HIP1: variants seen among roughly 807,000 people sequenced by gnomAD.
HIP1 encodes the protein huntingtin-interacting protein 1.
HIP1 carries 65 observed loss-of-function variants against 147.6 expected under a neutral mutation model. The ratio of observed to expected loss-of-function variants is 0.44; its 90% CI spans 0.36 to 0.54. HIP1 has a LOEUF of 0.54. Among genes scored for constraint, HIP1 ranks in the 20% least tolerant of loss-of-function variants. HIP1 has a pLI of 0.00. For synonymous variants in HIP1, 479 were observed against 504.0 expected, an observed-to-expected ratio of 0.95 and a Z score of 0.67; for missense variants, 1,061 against 1,299.6, an observed-to-expected ratio of 0.82 and a Z score of 2.82.
At position 75,541,955 on chromosome 7, in the gene HIP1, C is replaced by A. The variant is rs375211454; in HGVS notation, c.2916G>T (p.Thr972=). 1 of 1,613,932 alleles carries A rather than the reference C, an allele frequency of 6.2e-7. No homozygotes were observed. The stretch of plus-strand genomic sequence containing the variant: ...TCTCTTGGCGTTTGATCTGTGTCAG[C>A]GTCATGCTTGAGAAGTCCATGTTGT... ...ETDNMDFSSM[T]LTQIKRQEMD... Residue 972 remains threonine (T), a synonymous_variant, in exon 29 of 31, where the codon ACG becomes ACT. Coordinates refer to ENST00000336926, the MANE Select transcript of HIP1 (RefSeq NM_005338.7).
chr7:75,589,385 A>G (rs1388430930), intron 4 of HIP1, among the ~76,000 whole-genome samples: 1 of 151,834 alleles, frequency 6.6e-6, no homozygotes, highest in Non-Finnish European at 1.5e-5. Context: ...ACACAGGTCT[A>G]GCCAAAATCT....
intron 1 of HIP1, among the ~76,000 whole-genome samples, chr7:75,599,461 A>G (rs1170529407): frequency 2.0e-5 from 3 of 152,130 alleles, no homozygotes; most frequent in African/African-American, 7.2e-5. Flanking sequence ...GGGAGTGGGC[A>G]CCACTGCCTG....
intron 1 of HIP1, among the ~76,000 whole-genome samples, chr7:75,679,509 T>G (rs1554516537): frequency 1.3e-5 from 2 of 152,212 alleles, no homozygotes; most frequent in African/African-American, 4.8e-5. Context: ...CAGCCAACAA[T>G]GAATCTCTAT....
At chr7:75,542,020 C>G (rs1475243574) in intron 28 of HIP1, 40 bp from the exon 29 acceptor site, 1 of 1,566,754 alleles carries the variant, frequency 6.4e-7, no homozygotes, top group Non-Finnish European at 8.8e-7. Flanking sequence ...CAAATTCTAC[C>G]CTGGCTGACT....
In HIP1 at chr7:75,542,834, C is replaced by A; in HGVS notation, c.2890+17G>T. The A allele has an allele frequency of 6.2e-7, 1 of 1,613,264 alleles. No individual in the cohort carries two copies. Among genetic ancestry groups the A allele is most frequent in the Non-Finnish European group, 8.5e-7 (1 of 1,179,606 alleles). On this transcript the variant is annotated intron_variant, in intron 28 of 30. Transcript: ENST00000336926. ...TCAACAGGGTGGGTAAGAAAAGGGT[C>A]CCTTTGGAAAGGCTACCTGTCTCTT...
chr7:75,603,335 G>A (rs1341935189), intron 1 of HIP1, among the ~76,000 whole-genome samples: 8 of 107,692 alleles, frequency 7.4e-5, no homozygotes, highest in South Asian at 3.1e-4. Flanking sequence ...GTGACAGAGC[G>A]AGACTCTCAA....
rs781790408 is a variant in HIP1 at position 75,542,980 on chromosome 7, A to G, written c.2767-6T>C. ...CTGTCCTTATCAGCTTTCACCTACC[A>G]GGACAAAGCAGATTTAGGTTCATAC... On this transcript the variant is annotated splice_polypyrimidine_tract_variant and splice_region_variant and intron_variant, in intron 27 of 30. Coordinates refer to ENST00000336926, the MANE Select transcript of HIP1 (RefSeq NM_005338.7). 35 of 1,610,820 alleles carry G rather than the reference A, an allele frequency of 2.2e-5. No individual in the cohort carries two copies. The Admixed American group carries it at 5.0e-4, about 23-fold the overall frequency.
chr7:75,715,826 A>G (rs1187528388), intron 1 of HIP1, among the ~76,000 whole-genome samples: 1 of 146,978 alleles, frequency 6.8e-6, no homozygotes, highest in Non-Finnish European at 1.5e-5. Context: ...ACAGTTCTGC[A>G]GGTTATACAA....
At chr7:75,544,639 C>G (rs901318151) in intron 27 of HIP1, 56 bp downstream of exon 27, 1 of 1,042,024 alleles carries the variant, frequency 9.6e-7, no homozygotes, top group Non-Finnish European at 1.5e-6. Context: ...TTTAACCTAG[C>G]CTAGTACTCT....
chr7:75,703,248 T>C (rs563237754), intron 1 of HIP1, among the ~76,000 whole-genome samples: 224 of 152,076 alleles, frequency 1.5e-3, no homozygotes, highest in South Asian at 0.011. Flanking sequence ...CTTGGGAGGC[T>C]GAGGTGGGAG....
intron 1 of HIP1, among the ~76,000 whole-genome samples, chr7:75,653,424 G>A (rs1276125575): frequency 4.6e-5 from 7 of 150,936 alleles, no homozygotes; most frequent in South Asian, 2.1e-4. Context: ...AGGCTGAGGC[G>A]GGAGGATTGC....
chr7:75,608,906 G>A lies in HIP1; in HGVS notation c.121-9659C>T, dbSNP rs587611000. On this transcript the variant is annotated intron_variant, in intron 1 of 30. Coordinates refer to ENST00000336926, the MANE Select transcript of HIP1 (RefSeq NM_005338.7). ...AAACTGTGATCTGATGGGTACTGGGGATCCACAGAAGGCTCTTGAGCAGGG... is the reference window on the plus strand; with the variant it reads ...AAACTGTGATCTGATGGGTACTGGGAATCCACAGAAGGCTCTTGAGCAGGG... 2.0e-5 allele frequency among the ~76,000 whole-genome samples: 3 copies of A among 152,308 alleles called. 1 individual carries two copies. In the South Asian group the frequency reaches 6.2e-4, roughly 32 times the overall value.
chr7:75,708,035 C>T (rs1043686598), intron 1 of HIP1, among the ~76,000 whole-genome samples: 65 of 146,808 alleles, frequency 4.4e-4, no homozygotes, highest in Non-Finnish European at 7.6e-4. Context: ...AGGACATAGG[C>T]GTGGGCAAGG....
At chr7:75,619,871 C>A (rs1391694305) in intron 1 of HIP1, among the ~76,000 whole-genome samples, 1 of 152,122 alleles carries the variant, frequency 6.6e-6, no homozygotes, top group African/African-American at 2.4e-5. Context: ...AGAACTGGCC[C>A]AGTATAGATG....
At position 75,582,144 on chromosome 7, in the gene HIP1, C is replaced by A; in HGVS notation, c.473G>T (p.Arg158Met). ...TKMEYHTKNPRFPGNLQMSDR... is the reference protein window; with the variant it reads ...TKMEYHTKNPMFPGNLQMSDR... ...ACTCATCTGCAGGTTGCCTGGGAAC[C>A]TGGGATTCTGGAAGGGAGGCAGAGG... is the stretch of plus-strand genomic sequence containing the variant. Residue 158 changes from arginine to methionine, a missense_variant, in exon 6 of 31, where the codon AGG becomes ATG. Arg to Met is a moderately conservative substitution (Grantham distance 91). Around this residue, in one of 3 missense-constraint regions of HIP1, gnomAD observed 225 missense variants for 292.9 expected, o/e 0.77. Transcript: ENST00000336926. 6.2e-7 allele frequency: 1 copy of A among 1,613,828 alleles called. No homozygotes were observed. The highest frequency in any genetic ancestry group is 1.1e-5 in the South Asian group (1 of 91,052).
At chr7:75,659,524 C>T (rs914082342) in intron 1 of HIP1, among the ~76,000 whole-genome samples, 5 of 152,130 alleles carry the variant, frequency 3.3e-5, no homozygotes, top group Non-Finnish European at 4.4e-5. Context: ...TGGCGCACGC[C>T]TGTAATCCCA....
chr7:75,563,532 G>A (rs1795303705), intron 9 of HIP1: 2 of 489,120 alleles, frequency 4.1e-6, no homozygotes, highest in South Asian at 2.6e-5. Context: ...CTTCATTGCT[G>A]TAGAACACAT....
intron 23 of HIP1, 58 bp downstream of exon 23, chr7:75,548,833 G>T (rs1343181855): frequency 1.6e-6 from 2 of 1,227,694 alleles, no homozygotes; most frequent in Admixed American, 1.7e-5. Context: ...AATGAGCAGT[G>T]TTGCAGAAGG....
intron 1 of HIP1, among the ~76,000 whole-genome samples, chr7:75,698,216 C>A (rs2117316868): frequency 6.6e-6 from 1 of 152,164 alleles, no homozygotes; most frequent in East Asian, 1.9e-4. Flanking sequence ...TATTAAAAGA[C>A]TAAGAAAAGT....
Sources: gnomAD v4.1 joint callset for allele counts (sites outside exome capture counted in the v4.1 genomes callset) on GRCh38, gnomAD v4.1.1 for gene constraint, gnomAD v4.1.1 regional missense constraint, MANE v1.5 for transcripts, NCBI Gene and HGNC (gene_info 2026-07-23, HGNC 2026-07-21) for gene names.